Variants in FAM107B observed in about 807,000 individuals in gnomAD.
The protein encoded by FAM107B is protein FAM107B.
A neutral mutation model predicts 31.5 loss-of-function variants in FAM107B; 21 were observed. The ratio of observed to expected loss-of-function variants is 0.67; its 90% CI spans 0.47 to 0.96. FAM107B has a LOEUF of 0.96. Among genes scored for constraint, FAM107B ranks in the 40% least tolerant of loss-of-function variants. The probability of loss-of-function intolerance (pLI) is 0.00; values close to 1 mark genes in which losing one functional copy is unlikely to be tolerated. For missense variants in FAM107B, 452 were observed against 377.1 expected (o/e 1.20, Z -1.64); for synonymous variants, 157 against 141.5 (o/e 1.11, Z -0.78).
At chr10:14,527,256 G>A (rs1846369609) in intron 3 of FAM107B, among the ~76,000 whole-genome samples, 1 of 151,466 alleles carries the variant, frequency 6.6e-6, no homozygotes, top group African/African-American at 2.4e-5. Context: ...GTGAGAACCT[G>A]ACACAAGGTT....
At chr10:14,644,931 A>G (rs1348139776) in intron 2 of FAM107B, among the ~76,000 whole-genome samples, 1 of 152,206 alleles carries the variant, frequency 6.6e-6, no homozygotes. Flanking sequence ...TATCTGGTCT[A>G]GTAGGTGCTC....
At chr10:14,524,563 A>C (rs1846026147) in intron 3 of FAM107B, among the ~76,000 whole-genome samples, 1 of 152,234 alleles carries the variant, frequency 6.6e-6, no homozygotes, top group South Asian at 2.1e-4. Flanking sequence ...TTAAATCTTT[A>C]ATCAGCACAA....
intron 2 of FAM107B, among the ~76,000 whole-genome samples, chr10:14,600,523 G>C (rs1056556245): frequency 1.3e-5 from 2 of 151,868 alleles, no homozygotes; most frequent in Admixed American, 6.6e-5. Flanking sequence ...ACCTTCAATG[G>C]CATTGACATC....
chr10:14,570,355 G>A (rs187367926), intron 2 of FAM107B, among the ~76,000 whole-genome samples: 301 of 152,152 alleles, frequency 2.0e-3, no homozygotes, highest in African/African-American at 7.0e-3. Context: ...CACAGTGTAT[G>A]TAGCAAGACA....
intron 2 of FAM107B, chr10:14,652,765 G>C (rs1343251004): frequency 6.6e-6 from 1 of 152,186 alleles, no homozygotes; most frequent in Non-Finnish European, 1.5e-5. Context: ...ATACGCTCCT[G>C]AATGTGCTAA....
chr10:14,692,833 TC>T (rs1257168760), intron 1 of FAM107B, among the ~76,000 whole-genome samples: 1 of 152,216 alleles, frequency 6.6e-6, no homozygotes, highest in Non-Finnish European at 1.5e-5. Context: ...TCCTCTCTGA[TC>T]CTTTATGTGC....
At chr10:14,634,769 C>G (rs886984574) in intron 2 of FAM107B, among the ~76,000 whole-genome samples, 3 of 151,996 alleles carry the variant, frequency 2.0e-5, no homozygotes, top group African/African-American at 7.2e-5. Flanking sequence ...GAGATTTAGG[C>G]AGGGTATGTG....
intron 1 of FAM107B, among the ~76,000 whole-genome samples, chr10:14,734,567 T>C (rs925328197): frequency 6.6e-6 from 1 of 151,298 alleles, no homozygotes; most frequent in Non-Finnish European, 1.5e-5. Context: ...TTCCTTTTCT[T>C]CTAATGTGGC....
intron 1 of FAM107B, among the ~76,000 whole-genome samples, chr10:14,754,657 C>T (rs1372845780): frequency 2.0e-5 from 3 of 152,194 alleles, no homozygotes; most frequent in African/African-American, 4.8e-5. Flanking sequence ...GTCTTCGGTG[C>T]CATCTTTGAG....
chr10:14,714,473 C>T (rs1170300286), intron 1 of FAM107B, among the ~76,000 whole-genome samples: 1 of 152,208 alleles, frequency 6.6e-6, no homozygotes, highest in Admixed American at 6.5e-5. Context: ...GGAGAGCCGG[C>T]AGCAGGAGTC....
rs1554851691 is a variant in FAM107B at position 14,712,626 on chromosome 10, A to AAGAAG, written c.412-44936_412-44935insCTTCT. Among the ~76,000 whole-genome samples, 251 of 146,906 alleles carry AAGAAG rather than the reference A, an allele frequency of 1.7e-3. 2 individuals are homozygous for AAGAAG. Among genetic ancestry groups the AAGAAG allele is most frequent in the African/African-American group, 4.8e-3 (188 of 39,022 alleles). Reference sequence around the variant, plus strand: ...TGACTCCCACCAAAAAACAAAAAAAAAAGAAGAAGAAGTTGGGATAAATGA... The same window carrying AAGAAG: ...TGACTCCCACCAAAAAACAAAAAAAAAGAAGAAGAAGAAGAAGTTGGGATAAATGA... On this transcript the variant is annotated intron_variant, in intron 1 of 4. Transcript: ENST00000181796.
intron 2 of FAM107B, among the ~76,000 whole-genome samples, chr10:14,557,054 C>G (rs1849768109): frequency 6.6e-6 from 1 of 152,244 alleles, no homozygotes; most frequent in Non-Finnish European, 1.5e-5. Flanking sequence ...GCCCCCTTCC[C>G]ACACTTCTCC....
In FAM107B at chr10:14,593,675, G is replaced by A. The variant is rs144751065; in HGVS notation, c.470-63160C>T. On this transcript the variant is annotated intron_variant, in intron 2 of 4. Coordinates refer to ENST00000181796, the MANE Select transcript of FAM107B (RefSeq NM_031453.4). Reference sequence around the variant, plus strand: ...CACCACTGTACTCCAGCCAGGGGACGAGACTGAGAATCTGTCTCAAAAAAA... The same window carrying A: ...CACCACTGTACTCCAGCCAGGGGACAAGACTGAGAATCTGTCTCAAAAAAA... 7.8e-4 allele frequency among the ~76,000 whole-genome samples: 118 copies of A among 150,834 alleles called. 1 individual carries two copies. In the East Asian group the frequency reaches 0.019, roughly 25 times the overall value.
chr10:14,594,545 T>C (rs1242172876), intron 2 of FAM107B, among the ~76,000 whole-genome samples: 2 of 150,426 alleles, frequency 1.3e-5, no homozygotes, highest in Non-Finnish European at 1.5e-5. Context: ...GGCAAATGCA[T>C]TCTCCAACTG....
chr10:14,774,128 G>A, intron 1 of FAM107B, 125 bp downstream of exon 1: 1 of 1,201,302 alleles, frequency 8.3e-7, no homozygotes, highest in African/African-American at 1.5e-5. Flanking sequence ...TCGCACTAGT[G>A]AGAACGCCCG....
At chr10:14,668,110 C>T (rs547096146) in intron 1 of FAM107B, among the ~76,000 whole-genome samples, 5 of 152,158 alleles carry the variant, frequency 3.3e-5, no homozygotes, top group Non-Finnish European at 5.9e-5. Context: ...GGCACAATCT[C>T]GGCTTACTGC....
chr10:14,732,306 C>T (rs1856192914), intron 1 of FAM107B, among the ~76,000 whole-genome samples: 1 of 152,164 alleles, frequency 6.6e-6, no homozygotes. Flanking sequence ...ACTCTATAAA[C>T]CAGTTGCTCC....
intron 1 of FAM107B, among the ~76,000 whole-genome samples, chr10:14,766,815 T>C (rs1254002456): frequency 2.0e-5 from 3 of 150,904 alleles, no homozygotes; most frequent in African/African-American, 7.3e-5. Flanking sequence ...AATCAAACAC[T>C]GTACAACAAC....
At chr10:14,712,563 C>A (rs1855675576) in intron 1 of FAM107B, among the ~76,000 whole-genome samples, 2 of 150,062 alleles carry the variant, frequency 1.3e-5, no homozygotes, top group South Asian at 4.2e-4. Flanking sequence ...CACTGCACTC[C>A]AGCCTGGGGG....
Sources: gnomAD v4.1 joint callset for allele counts (sites outside exome capture counted in the v4.1 genomes callset) on GRCh38, gnomAD v4.1.1 for gene constraint, MANE v1.5 for transcripts, NCBI Gene and HGNC (gene_info 2026-07-23, HGNC 2026-07-21) for gene names.